CDK12: variants seen among roughly 807,000 people sequenced by gnomAD.
The protein encoded by CDK12 is cyclin dependent kinase 12.
CDK12 carries 17 observed loss-of-function variants against 133.8 expected under a neutral mutation model. The ratio of observed to expected loss-of-function variants is 0.13; its 90% CI spans 0.09 to 0.19. CDK12 has a LOEUF of 0.19. Ranked by LOEUF, CDK12 falls within the 10% of genes least tolerant of loss-of-function variation. The pLI, the probability that CDK12 is intolerant of heterozygous loss-of-function variation, is 1.00. For synonymous variants in CDK12, 694 were observed against 683.6 expected, an observed-to-expected ratio of 1.02 and a Z score of -0.24; for missense variants, 1,508 against 1,818.7, an observed-to-expected ratio of 0.83 and a Z score of 3.11.
At chr17:39,559,307 C>G (rs771722848) in intron 3 of CDK12, among the ~76,000 whole-genome samples, 1 of 152,142 alleles carries the variant, frequency 6.6e-6, no homozygotes, top group Non-Finnish European at 1.5e-5. Context: ...CGTGATATAA[C>G]CTACCAGTCA....
rs768875351 is a variant in CDK12, at chr17:39,462,886, G to A, written c.815G>A (p.Arg272Lys). 6.8e-6 allele frequency: 11 copies of A among 1,614,204 alleles called. No homozygotes were observed. The highest frequency in any genetic ancestry group is 9.3e-6 in the Non-Finnish European group (11 of 1,180,032). Residue 272 changes from arginine (R) to lysine (K), a missense_variant, in exon 1 of 14, where the codon AGG (arginine) becomes AAG (lysine). By Grantham distance (26) the Arg-to-Lys change is conservative (BLOSUM62 2). This residue lies in a region of CDK12 where 460 missense variants were observed against 490.8 expected (regional missense o/e 0.94). Transcript: ENST00000447079. The part of the protein sequence containing the change: ...YKKSPGSTSR[R>K]QSVSPPYKEP... ...AAAAGTCCTGGAAGTACCTCGAGAA[G>A]GCAGTCGGTCAGTCCCCCTTACAAG...
intron 6 of CDK12, among the ~76,000 whole-genome samples, chr17:39,502,097 C>T (rs1050759193): frequency 5.9e-5 from 9 of 151,790 alleles, no homozygotes; most frequent in African/African-American, 2.2e-4. Context: ...CCCACCTCAG[C>T]CTCCCAAACT....
rs115829383 is a variant in CDK12 at position 39,487,524 on chromosome 17, A to C, written c.1932-3033A>C. On this transcript the variant is annotated intron_variant, in intron 2 of 13. Coordinates refer to ENST00000447079, the MANE Select transcript of CDK12 (RefSeq NM_016507.4). ...TACTGTGAAGGAATAGAGAAGACCT[A>C]TCTGGCCTGATTTTATTTGTAGACA... is the stretch of plus-strand genomic sequence containing the variant. Among the ~76,000 whole-genome samples, 603 of 151,000 alleles carry C rather than the reference A, an allele frequency of 4.0e-3. 6 individuals carry two copies. Among genetic ancestry groups the C allele is most frequent in the African/African-American group, 0.014 (575 of 41,138 alleles).
chr17:39,482,015 C>CTTTTTTTTTTTTTTTTTTTTTTTTTTTT (rs56340258), intron 2 of CDK12, among the ~76,000 whole-genome samples: 1 of 96,258 alleles, frequency 1.0e-5, no homozygotes, highest in Admixed American at 1.2e-4. Context: ...CCTGGCTTGC[C>CTTTTTTTTTTTTTTTTTTTTTTTTTTTT]TTTTTTTTTT....
chr17:39,531,610 A>G lies in CDK12; in HGVS notation c.*294A>G. On this transcript the variant is annotated 3_prime_UTR_variant, in exon 14 of 14. Transcript: ENST00000447079. ...CATTACATTGAAAAGTAAATGTTTT[A>G]TTAGTTCATTGCCTGCACTTACTGA... 1 of 321,834 alleles carries G rather than the reference A, an allele frequency of 3.1e-6. No individual in the cohort carries two copies. The highest frequency in any genetic ancestry group is 1.5e-4 in the South Asian group (1 of 6,468). The allele number at this position is 321,834 out of a possible 1,614,324, so 19.9% of individuals were successfully genotyped here. A position where few individuals can be genotyped will look rare whatever the true frequency, so the allele number is the denominator to read the frequency against.
In CDK12 at chr17:39,481,310, GTCT is replaced by G. The variant is rs1263940872; in HGVS notation, c.1932-9242_1932-9240del. Among the ~76,000 whole-genome samples the G allele has an allele frequency of 2.0e-5, 3 of 148,700 alleles. No homozygotes were observed. The East Asian group carries it at 5.9e-4, about 29-fold the overall frequency. On this transcript the variant is annotated intron_variant, in intron 2 of 13. Transcript: ENST00000447079. ...CAGTTAACCATATAGAATTTTTAAA[GTCT>G]TCTTTTCTTCTTTCTCTTTTTTTTT...
At chr17:39,463,252 A>G (rs2049073056) in intron 1 of CDK12, 135 bp downstream of exon 1, 7 of 771,656 alleles carry the variant, frequency 9.1e-6, no homozygotes, top group African/African-American at 3.5e-5. Context: ...TAGTCATTCC[A>G]GTGTGTGAAT....
At chr17:39,474,163 T>C (rs1237478474) in intron 2 of CDK12, among the ~76,000 whole-genome samples, 1 of 152,242 alleles carries the variant, frequency 6.6e-6, no homozygotes, top group Non-Finnish European at 1.5e-5. Context: ...CTTTGTGTTA[T>C]GGTTTGCTTA....
upstream of CDK12, among the ~76,000 whole-genome samples, chr17:39,545,496 CTT>C (rs34616390): frequency 9.2e-4 from 95 of 103,546 alleles, no homozygotes; most frequent in Admixed American, 1.2e-3. Flanking sequence ...CCCCAAAAAG[CTT>C]TTTTTTTTTT....
chr17:39,487,679 C>T (rs749075891), intron 2 of CDK12, among the ~76,000 whole-genome samples: 8 of 145,028 alleles, frequency 5.5e-5, no homozygotes, highest in Non-Finnish European at 1.2e-4. Context: ...TGCAGTGGCA[C>T]GATCTCGGCT....
At chr17:39,518,900 T>C (rs2146543750) in intron 10 of CDK12, among the ~76,000 whole-genome samples, 1 of 152,188 alleles carries the variant, frequency 6.6e-6, no homozygotes, top group South Asian at 2.1e-4. Flanking sequence ...AGCACAGCAT[T>C]TCTCGTTTGT....
chr17:39,514,638 G>A (rs960042192), intron 8 of CDK12, among the ~76,000 whole-genome samples: 2 of 152,072 alleles, frequency 1.3e-5, no homozygotes, highest in African/African-American at 4.8e-5. Flanking sequence ...GCCATGCTCA[G>A]CCTTTATTTT....
intron 1 of CDK12, chr17:39,550,583 G>A (rs974880526): frequency 6.6e-6 from 1 of 152,248 alleles, no homozygotes; most frequent in Non-Finnish European, 1.5e-5. Context: ...TAGAACCAGA[G>A]ACTATGGAGA....
At chr17:39,475,787 C>T (rs543311196) in intron 2 of CDK12, among the ~76,000 whole-genome samples, 4 of 151,880 alleles carry the variant, frequency 2.6e-5, no homozygotes, top group Non-Finnish European at 5.9e-5. Flanking sequence ...CCTCGTGATT[C>T]GCCCACCTAG....
At chr17:39,518,393 C>T (rs1356605458) in intron 10 of CDK12, among the ~76,000 whole-genome samples, 1 of 151,584 alleles carries the variant, frequency 6.6e-6, no homozygotes, top group Non-Finnish European at 1.5e-5. Flanking sequence ...TCTTGAGCTC[C>T]TGGGCTCAAG....
intron 2 of CDK12, among the ~76,000 whole-genome samples, chr17:39,481,661 T>C (rs866730369): frequency 0.023 from 252 of 10,846 alleles, 5 homozygotes; most frequent in African/African-American, 0.042. Flanking sequence ...TCTCTCTCTC[T>C]CTCTCTCTCT....
intron 2 of CDK12, among the ~76,000 whole-genome samples, chr17:39,485,822 A>G (rs912160927): frequency 1.3e-5 from 2 of 152,000 alleles, no homozygotes; most frequent in South Asian, 2.1e-4. Context: ...GCAGTCAGCT[A>G]TGATTGCACC....
rs1425585220 is a variant in CDK12, at chr17:39,524,599, T to A, written c.3096-75T>A. ...TTTCCCACAGTCTTTGCCTTCCCAT[T>A]TTAATCCTTTGCTCCTCCATTCATT... On this transcript the variant is annotated intron_variant, in intron 11 of 13. Transcript: ENST00000447079. The A allele has an allele frequency of 6.1e-6, 8 of 1,300,986 alleles. No homozygotes were observed. In the East Asian group the frequency reaches 1.9e-4, roughly 30 times the overall value. The allele number at this position is 1,300,986 out of a possible 1,614,324, so 80.6% of individuals were successfully genotyped here.
intron 3 of CDK12, among the ~76,000 whole-genome samples, chr17:39,561,601 A>C (rs1454525238): frequency 6.6e-6 from 1 of 152,226 alleles, no homozygotes; most frequent in Non-Finnish European, 1.5e-5. Context: ...TGATGAATGC[A>C]GAGATGCCAA....
Sources: gnomAD v4.1 joint callset for allele counts (sites outside exome capture counted in the v4.1 genomes callset) on GRCh38, gnomAD v4.1.1 for gene constraint, gnomAD v4.1.1 regional missense constraint, MANE v1.5 for transcripts, NCBI Gene and HGNC (gene_info 2026-07-23, HGNC 2026-07-21) for gene names.